The following MAP3K7CL variants were observed in gnomAD, a reference collection of about 807,000 sequenced individuals.
MAP3K7CL encodes the protein MAP3K7 C-terminal like.
In MAP3K7CL, 16 loss-of-function variants were observed where a neutral mutation model predicts 18.6. The observed-to-expected ratio is 0.86, with a 90% CI of 0.58 to 1.31. The LOEUF is 1.31. Among genes scored for constraint, MAP3K7CL ranks in the 50% most tolerant of loss-of-function variants. The probability of loss-of-function intolerance (pLI) is 0.00; values close to 1 mark genes in which losing one functional copy is unlikely to be tolerated. For missense variants in MAP3K7CL, 163 were observed against 174.4 expected (o/e 0.93, Z 0.37); for synonymous variants, 65 against 66.8 (o/e 0.97, Z 0.13).
chr21:29,109,270 T>A, intron 4 of MAP3K7CL: 1 of 1,527,954 alleles, frequency 6.5e-7, no homozygotes, highest in South Asian at 1.2e-5. Flanking sequence ...AGATAGTGCA[T>A]GTGTGTGTAA....
At chr21:29,107,661 G>A in intron 4 of MAP3K7CL, among the ~76,000 whole-genome samples, 1 of 152,168 alleles carries the variant, frequency 6.6e-6, no homozygotes, top group Non-Finnish European at 1.5e-5. Context: ...GCCATGTTGA[G>A]ACCATGAGCG....
intron 4 of MAP3K7CL, among the ~76,000 whole-genome samples, chr21:29,106,173 G>C (rs1022589974): frequency 6.6e-6 from 1 of 152,192 alleles, no homozygotes; most frequent in East Asian, 1.9e-4. Context: ...TCCTTTGAAA[G>C]TACTAAGAAA....
intron 2 of MAP3K7CL, among the ~76,000 whole-genome samples, chr21:29,140,182 G>A (rs2086975310): frequency 6.6e-6 from 1 of 152,132 alleles, no homozygotes; most frequent in African/African-American, 2.4e-5. Flanking sequence ...ACAGAGTTGA[G>A]AACTATAGTA....
chr21:29,127,454 T>G (rs2086699012), upstream of MAP3K7CL, among the ~76,000 whole-genome samples: 1 of 152,208 alleles, frequency 6.6e-6, no homozygotes, highest in Non-Finnish European at 1.5e-5. Flanking sequence ...TGGGAAGGGA[T>G]TTCACTTGGA....
At chr21:29,083,598 A>G (rs73192155), upstream of MAP3K7CL, among the ~76,000 whole-genome samples, 15,758 of 152,066 alleles carry the variant, frequency 0.1, 980 homozygotes, top group Admixed American at 0.15. Flanking sequence ...GAATCTTCCA[A>G]TGTTTTTGTT....
chr21:29,140,083 C>T (rs577042172), intron 2 of MAP3K7CL, among the ~76,000 whole-genome samples: 1 of 152,060 alleles, frequency 6.6e-6, no homozygotes, highest in Non-Finnish European at 1.5e-5. Context: ...TTAAAGCCGC[C>T]TCAGCATGCA....
chr21:29,167,339 AAT>A lies in MAP3K7CL; in HGVS notation c.248+7284_248+7285del, dbSNP rs550096394. Reference sequence around the variant, plus strand: ...GTTTTCATATGAGGCTATCAAAATCAATGTGAGACTTATATTGTCATGTCTTT... The same window carrying A: ...GTTTTCATATGAGGCTATCAAAATCAGTGAGACTTATATTGTCATGTCTTT... On this transcript the variant is annotated intron_variant, in intron 4 of 4. Coordinates refer to ENST00000399928, the MANE Select transcript of MAP3K7CL (RefSeq NM_001286620.2). Among the ~76,000 whole-genome samples, 784 of 152,338 alleles carry A rather than the reference AAT, an allele frequency of 5.1e-3. 7 individuals carry two copies. Among genetic ancestry groups the A allele is most frequent in the African/African-American group, 0.018 (748 of 41,578 alleles).
chr21:29,114,738 C>A (rs549422767), intron 4 of MAP3K7CL, among the ~76,000 whole-genome samples: 1 of 152,122 alleles, frequency 6.6e-6, no homozygotes, highest in South Asian at 2.1e-4. Flanking sequence ...ACCTAAATGA[C>A]GGCAAATAAT....
chr21:29,111,484 C>G (rs1324142804), intron 4 of MAP3K7CL, among the ~76,000 whole-genome samples: 2 of 152,182 alleles, frequency 1.3e-5, no homozygotes, highest in Non-Finnish European at 2.9e-5. Flanking sequence ...TGCACCACAT[C>G]AACATGTTTA....
At chr21:29,110,444 T>C (rs2086400045) in intron 4 of MAP3K7CL, among the ~76,000 whole-genome samples, 1 of 152,136 alleles carries the variant, frequency 6.6e-6, no homozygotes, top group Admixed American at 6.6e-5. Flanking sequence ...TTGCCCAGGC[T>C]GCAGTACAGT....
intron 2 of MAP3K7CL, among the ~76,000 whole-genome samples, chr21:29,138,771 C>T (rs751519286): frequency 3.1e-4 from 47 of 151,980 alleles, no homozygotes; most frequent in Admixed American, 2.6e-4. Flanking sequence ...CACTTGAGGC[C>T]AGGCAAGACC....
At position 29,175,593 on chromosome 21, in the gene MAP3K7CL, C is replaced by G; in HGVS notation, c.*701C>G. ...TGCCATGTGACCTCACAGTAAACAT[C>G]TCTGCCTTTGCCTGTGTGTGTTCTG... On this transcript the variant is annotated 3_prime_UTR_variant, in exon 5 of 5. Coordinates refer to ENST00000399928, the MANE Select transcript of MAP3K7CL (RefSeq NM_001286620.2). 6.6e-6 allele frequency: 1 copy of G among 152,252 alleles called. No homozygotes were observed. Among genetic ancestry groups the G allele is most frequent in the East Asian group, 1.9e-4 (1 of 5,202 alleles). The allele number at this position is 152,252 out of a possible 1,614,324, so 9.4% of individuals were successfully genotyped here. A position where few individuals can be genotyped will look rare whatever the true frequency, so the allele number is the denominator to read the frequency against.
At chr21:29,091,835 T>C (rs1427069726) in intron 3 of MAP3K7CL, 1 of 674,944 alleles carries the variant, frequency 1.5e-6, no homozygotes, top group Non-Finnish European at 2.7e-6. Context: ...GTGCTTCCTA[T>C]GTACCAGGTA....
At chr21:29,136,637 G>A (rs1031278823) in intron 2 of MAP3K7CL, among the ~76,000 whole-genome samples, 9 of 151,816 alleles carry the variant, frequency 5.9e-5, no homozygotes, top group Non-Finnish European at 1.2e-4. Flanking sequence ...TCTTCTGCCT[G>A]AGCCTCCTGA....
chr21:29,088,611 C>G (rs182651505), intron 1 of MAP3K7CL, among the ~76,000 whole-genome samples: 2 of 152,158 alleles, frequency 1.3e-5, no homozygotes, highest in Non-Finnish European at 2.9e-5. Context: ...TATTCCATAA[C>G]ACTAGTGCTG....
At chr21:29,103,709 T>C (rs1435719234) in intron 4 of MAP3K7CL, among the ~76,000 whole-genome samples, 3 of 151,364 alleles carry the variant, frequency 2.0e-5, no homozygotes, top group Admixed American at 6.6e-5. Context: ...CACTCCAGCC[T>C]GGGTGACAGA....
intron 3 of MAP3K7CL, 137 bp from the exon 4 acceptor site, chr21:29,159,804 C>G (rs2087497966): frequency 3.2e-6 from 2 of 616,604 alleles, no homozygotes; most frequent in South Asian, 4.0e-5. Flanking sequence ...TGAATGTTGA[C>G]TGACAATGCT....
intron 4 of MAP3K7CL, among the ~76,000 whole-genome samples, chr21:29,124,584 T>G (rs551340639): frequency 6.6e-6 from 1 of 152,348 alleles, no homozygotes; most frequent in South Asian, 2.1e-4. Flanking sequence ...CCATGCTTGC[T>G]TGTTGGCTAT....
At chr21:29,162,683 C>CAA (rs34759620) in intron 4 of MAP3K7CL, among the ~76,000 whole-genome samples, 5 of 122,486 alleles carry the variant, frequency 4.1e-5, no homozygotes, top group Admixed American at 8.1e-5. Context: ...AACTCTGTCT[C>CAA]AAAAAAAAAA....
Sources: allele counts gnomAD v4.1 joint callset (sites outside exome capture counted in the v4.1 genomes callset), GRCh38; gene constraint gnomAD v4.1.1; transcripts MANE v1.5; gene names NCBI Gene and HGNC (gene_info 2026-07-23, HGNC 2026-07-21).